Variants in PHYHIPL observed in about 807,000 individuals in gnomAD.
The protein encoded by PHYHIPL is phytanoyl-CoA hydroxylase-interacting protein-like.
PHYHIPL carries 9 observed loss-of-function variants against 33.4 expected under a neutral mutation model. The ratio of observed to expected loss-of-function variants is 0.27; its 90% CI spans 0.16 to 0.47. The LOEUF (loss-of-function observed/expected upper bound fraction) is 0.47, where lower values mean the gene tolerates loss of function less well. Ranked by LOEUF, PHYHIPL falls within the 20% of genes least tolerant of loss-of-function variation. PHYHIPL has a pLI of 0.99. For missense variants in PHYHIPL, 365 were observed against 460.7 expected (o/e 0.79, Z 1.90); for synonymous variants, 153 against 154.1 (o/e 0.99, Z 0.05).
intron 1 of PHYHIPL, chr10:59,221,825 T>C (rs1394898712): frequency 2.2e-6 from 1 of 446,844 alleles, no homozygotes; most frequent in Admixed American, 6.4e-5. Context: ...CTTCAGAGTC[T>C]GAAGTTCCAG....
chr10:59,200,279 T>G (rs1839059664), intron 1 of PHYHIPL, among the ~76,000 whole-genome samples: 1 of 152,150 alleles, frequency 6.6e-6, no homozygotes, highest in Admixed American at 6.5e-5. Context: ...GCTGTTGAAT[T>G]TTGTCAAAGG....
At chr10:59,195,462 G>A (rs546151127) in intron 1 of PHYHIPL, among the ~76,000 whole-genome samples, 14 of 152,130 alleles carry the variant, frequency 9.2e-5, no homozygotes, top group Non-Finnish European at 1.5e-4. Flanking sequence ...GAAGACAAAC[G>A]CGTATGATTT....
intron 1 of PHYHIPL, among the ~76,000 whole-genome samples, chr10:59,214,054 A>G (rs529360481): frequency 1.6e-4 from 25 of 152,266 alleles, no homozygotes; most frequent in African/African-American, 5.8e-4. Flanking sequence ...TATTCAATAA[A>G]TGATGTTGGG....
At chr10:59,241,204 A>G (rs1198551141) in intron 4 of PHYHIPL, among the ~76,000 whole-genome samples, 1 of 152,142 alleles carries the variant, frequency 6.6e-6, no homozygotes, top group Non-Finnish European at 1.5e-5. Flanking sequence ...ATTAAGACAC[A>G]TTTCCTTGAT....
At position 59,238,645 on chromosome 10, in the gene PHYHIPL, G is replaced by T; in HGVS notation, c.536G>T (p.Arg179Leu). The T allele has an allele frequency of 6.2e-7, 1 of 1,610,560 alleles. No homozygotes were observed. Among genetic ancestry groups the T allele is most frequent in the Non-Finnish European group, 8.5e-7 (1 of 1,177,366 alleles). Residue 179 changes from arginine (R) to leucine (L), a missense_variant, in exon 4 of 5, where the codon CGC becomes CTC. Transcript: ENST00000373880. ...GAGAAGGCTGAAGTGATTGCAGGAC[G>T]CATGCTTAAGTTTTCTGTTTTTTAT... Reference protein sequence around the residue: ...LLEKAEVIAGRMLKFSVFYRN... With the variant: ...LLEKAEVIAGLMLKFSVFYRN...
At chr10:59,240,695 A>G (rs566719608) in intron 4 of PHYHIPL, among the ~76,000 whole-genome samples, 2 of 152,258 alleles carry the variant, frequency 1.3e-5, no homozygotes, top group South Asian at 4.1e-4. Flanking sequence ...GGTAAGAAAT[A>G]CATCAAAAGA....
intron 4 of PHYHIPL, among the ~76,000 whole-genome samples, chr10:59,244,634 T>G (rs1284823159): frequency 7.0e-6 from 1 of 142,398 alleles, no homozygotes; most frequent in East Asian, 2.3e-4. Context: ...TGGACAGCAC[T>G]CATTTTATGA....
chr10:59,216,605 T>C (rs1839619556), intron 1 of PHYHIPL, among the ~76,000 whole-genome samples: 1 of 152,068 alleles, frequency 6.6e-6, no homozygotes, highest in East Asian at 1.9e-4. Context: ...CTAAACCTCA[T>C]CGGGGGTAAA....
upstream of PHYHIPL, among the ~76,000 whole-genome samples, chr10:59,173,962 G>GTTTTT (rs1564696420): frequency 2.3e-5 from 2 of 85,356 alleles, no homozygotes; most frequent in Non-Finnish European, 4.7e-5. Flanking sequence ...TTTTTTTTTG[G>GTTTTT]GGAGGAGGGG....
intron 1 of PHYHIPL, among the ~76,000 whole-genome samples, chr10:59,182,443 CG>C (rs1209263450): frequency 7.9e-5 from 12 of 152,068 alleles, no homozygotes; most frequent in African/African-American, 2.9e-4. Flanking sequence ...TCTGGTTTCA[CG>C]TGACTCTCCT....
chr10:59,176,049 CTG>C (rs1838242567), upstream of PHYHIPL, among the ~76,000 whole-genome samples: 1 of 152,174 alleles, frequency 6.6e-6, no homozygotes, highest in Admixed American at 6.5e-5. Flanking sequence ...TGGCAAAATG[CTG>C]TCTCTAAACC....
At chr10:59,203,922 T>A (rs1036804113) in intron 1 of PHYHIPL, among the ~76,000 whole-genome samples, 6 of 152,154 alleles carry the variant, frequency 3.9e-5, no homozygotes, top group South Asian at 2.1e-4. Context: ...GTAATTTTTT[T>A]AAAAAAGGCC....
intron 4 of PHYHIPL, among the ~76,000 whole-genome samples, chr10:59,242,021 C>A (rs1240069622): frequency 6.6e-6 from 1 of 152,116 alleles, no homozygotes. Flanking sequence ...AAAAAACAAA[C>A]AAACCGTAGT....
At chr10:59,237,663 A>T (rs376193791) in intron 3 of PHYHIPL, among the ~76,000 whole-genome samples, 1 of 152,016 alleles carries the variant, frequency 6.6e-6, no homozygotes, top group Admixed American at 6.6e-5. Context: ...ACTGTGAGCT[A>T]GGCACTGTAC....
Position 59,200,009 on chromosome 10 carries a change from CA to C in PHYHIPL, c.106+23052del, listed in dbSNP as rs529531278. Among the ~76,000 whole-genome samples the C allele has an allele frequency of 4.6e-3, 696 of 152,262 alleles. 1 individual carries two copies. The highest frequency in any genetic ancestry group is 6.8e-3 in the Non-Finnish European group (465 of 68,018). ...CAATCATGTCATCTGCAAACAGGGT[CA>C]ATTTGACTTCCTCTTTTCCTAATTG... On this transcript the variant is annotated intron_variant, in intron 1 of 4. Transcript: ENST00000373880.
At chr10:59,199,909 A>G (rs1435856792) in intron 1 of PHYHIPL, among the ~76,000 whole-genome samples, 5 of 152,088 alleles carry the variant, frequency 3.3e-5, no homozygotes, top group Non-Finnish European at 7.4e-5. Context: ...TTGATTTTGT[A>G]TCCTGAGGCT....
chr10:59,195,259 C>T (rs1838881527), intron 1 of PHYHIPL, among the ~76,000 whole-genome samples: 2 of 152,176 alleles, frequency 1.3e-5, no homozygotes, highest in South Asian at 2.1e-4. Flanking sequence ...CTTTCCTTCT[C>T]ATCTTAGGTT....
At chr10:59,218,459 A>G (rs976597013) in intron 1 of PHYHIPL, among the ~76,000 whole-genome samples, 9 of 152,190 alleles carry the variant, frequency 5.9e-5, no homozygotes, top group Admixed American at 1.3e-4. Flanking sequence ...AAACCCTGTC[A>G]GATTCTAAAG....
At chr10:59,218,340 C>T (rs1252541358) in intron 1 of PHYHIPL, among the ~76,000 whole-genome samples, 1 of 152,120 alleles carries the variant, frequency 6.6e-6, no homozygotes, top group Non-Finnish European at 1.5e-5. Flanking sequence ...TAAAAGATAT[C>T]ATTCTCCTCA....
Sources: gnomAD v4.1 joint callset for allele counts (sites outside exome capture counted in the v4.1 genomes callset) on GRCh38, gnomAD v4.1.1 for gene constraint, MANE v1.5 for transcripts, NCBI Gene and HGNC (gene_info 2026-07-23, HGNC 2026-07-21) for gene names.